FIG4: variants seen among roughly 807,000 people sequenced by gnomAD.
FIG4 encodes the protein polyphosphoinositide phosphatase.
A neutral mutation model predicts 118.6 loss-of-function variants in FIG4; 112 were observed. The ratio of observed to expected loss-of-function variants is 0.94; its 90% confidence interval spans 0.81 to 1.11. The LOEUF is 1.11. FIG4 is among the 50% of genes least tolerant of loss of function. The pLI is 0.00. For missense variants in FIG4, 969 were observed against 1,111.7 expected, an observed-to-expected ratio of 0.87 and a Z score of 1.83; for synonymous variants, 369 against 381.2, an observed-to-expected ratio of 0.97 and a Z score of 0.37.
intron 1 of FIG4, among the ~76,000 whole-genome samples, chr6:109,700,157 C>T (rs1056370150): frequency 6.6e-6 from 1 of 152,188 alleles, no homozygotes; most frequent in Non-Finnish European, 1.5e-5. Context: ...TATACCATAG[C>T]AATCAACTTA....
At chr6:109,726,756 A>G (rs1048553015) in intron 3 of FIG4, among the ~76,000 whole-genome samples, 5 of 151,934 alleles carry the variant, frequency 3.3e-5, no homozygotes, top group Non-Finnish European at 7.4e-5. Context: ...ATGTTTTTTC[A>G]TTTGTTTGTG....
chr6:109,709,592 G>A (rs1257820998), intron 1 of FIG4, among the ~76,000 whole-genome samples: 2 of 152,196 alleles, frequency 1.3e-5, no homozygotes, highest in African/African-American at 4.8e-5. Context: ...TCCTATCCAT[G>A]AACATGGAAT....
intron 15 of FIG4, among the ~76,000 whole-genome samples, chr6:109,768,962 C>G (rs779733075): frequency 6.6e-6 from 1 of 152,122 alleles, no homozygotes; most frequent in South Asian, 2.1e-4. Context: ...GAATCCTCAT[C>G]GGCTACTTCT....
intron 1 of FIG4, among the ~76,000 whole-genome samples, chr6:109,698,194 T>A (rs954219403): frequency 6.6e-5 from 10 of 151,980 alleles, no homozygotes; most frequent in East Asian, 1.9e-4. Flanking sequence ...GGCCTGTTTT[T>A]TTTTTTTATT....
chr6:109,730,201 A>AC, intron 4 of FIG4, among the ~76,000 whole-genome samples: 1 of 152,072 alleles, frequency 6.6e-6, no homozygotes. Flanking sequence ...GACACATGCC[A>AC]CCACGCCTGA....
At chr6:109,711,871 C>A (rs1234906687) in intron 1 of FIG4, among the ~76,000 whole-genome samples, 1 of 152,170 alleles carries the variant, frequency 6.6e-6, no homozygotes, top group Non-Finnish European at 1.5e-5. Flanking sequence ...CTGTGTACTT[C>A]AGGGTGTTTT....
chr6:109,697,889 ATT>A (rs59597626), intron 1 of FIG4, among the ~76,000 whole-genome samples: 11,184 of 146,276 alleles, frequency 0.076, 606 homozygotes, highest in East Asian at 0.18. Flanking sequence ...CCATTGATCA[ATT>A]TTTTTTTTTT....
chr6:109,700,377 A>G (rs1173236895), intron 1 of FIG4, among the ~76,000 whole-genome samples: 21 of 152,232 alleles, frequency 1.4e-4, no homozygotes, highest in Admixed American at 1.4e-3. Context: ...TAAAACACCC[A>G]ATAAAAAGGA....
chr6:109,731,096 C>A (rs1425271371), intron 4 of FIG4, among the ~76,000 whole-genome samples: 1 of 152,088 alleles, frequency 6.6e-6, no homozygotes, highest in Non-Finnish European at 1.5e-5. Context: ...CTGAACCTTA[C>A]CTAGTAATTT....
intron 22 of FIG4, among the ~76,000 whole-genome samples, chr6:109,816,658 C>G (rs1306452571): frequency 6.6e-6 from 1 of 152,150 alleles, no homozygotes; most frequent in African/African-American, 2.4e-5. Context: ...GCCAAGCCCT[C>G]TCTCATTAAA....
intron 10 of FIG4, among the ~76,000 whole-genome samples, chr6:109,750,738 T>G (rs1229322129): frequency 6.6e-6 from 1 of 152,164 alleles, no homozygotes; most frequent in Non-Finnish European, 1.5e-5. Flanking sequence ...AACAACCCAC[T>G]AACACTATTA....
intron 3 of FIG4, among the ~76,000 whole-genome samples, chr6:109,717,432 T>C (rs1199476807): frequency 6.6e-6 from 1 of 152,180 alleles, no homozygotes; most frequent in Non-Finnish European, 1.5e-5. Flanking sequence ...TCCCTCCTTG[T>C]GGTGAATCAA....
In FIG4 at chr6:109,727,225, C is replaced by G. The variant is rs1775848378; in HGVS notation, c.406C>G (p.Pro136Ala). ...CGAAGATACAAATATGATCTATATA[C>G]CCAATGATTCTGTACGGGTTACTCA... The part of the protein sequence containing the change: ...KVEDTNMIYI[P>A]NDSVRVTHPD... Residue 136 changes from proline (P) to alanine (A), a missense_variant, in exon 4 of 23, where the codon CCC becomes GCC. This residue lies in a region of FIG4 where 393 missense variants were observed against 409.4 expected (regional missense o/e 0.96). Coordinates refer to ENST00000230124, the MANE Select transcript of FIG4 (RefSeq NM_014845.6). 8.1e-6 allele frequency: 13 copies of G among 1,612,544 alleles called. No individual in the cohort carries two copies. Among genetic ancestry groups the G allele is most frequent in the Non-Finnish European group, 1.1e-5 (13 of 1,178,842 alleles).
At chr6:109,821,728 C>T (rs577024931) in intron 22 of FIG4, among the ~76,000 whole-genome samples, 4 of 152,204 alleles carry the variant, frequency 2.6e-5, no homozygotes, top group Non-Finnish European at 4.4e-5. Context: ...ATCGAAACAG[C>T]ATCTCACCAC....
chr6:109,735,437 G>A, intron 6 of FIG4, 139 bp downstream of exon 6: 1 of 773,148 alleles, frequency 1.3e-6, no homozygotes, highest in South Asian at 1.6e-5. Context: ...TTGGATATGT[G>A]AAGTTGATCA....
chr6:109,740,351 G>A (rs992301754), intron 7 of FIG4, among the ~76,000 whole-genome samples: 11 of 152,210 alleles, frequency 7.2e-5, no homozygotes, highest in Non-Finnish European at 1.2e-4. Flanking sequence ...GTTATCAAGC[G>A]TTTAATGAAT....
intron 6 of FIG4, among the ~76,000 whole-genome samples, chr6:109,738,054 C>A (rs1776212008): frequency 6.6e-6 from 1 of 152,098 alleles, no homozygotes. Context: ...TTGTCATTTT[C>A]TTTTCTCTCA....
At chr6:109,749,059 G>C (rs1306184818) in intron 10 of FIG4, among the ~76,000 whole-genome samples, 1 of 60,858 alleles carries the variant, frequency 1.6e-5, no homozygotes, top group Non-Finnish European at 4.0e-5. Context: ...GGAGCTCTGT[G>C]TGTGTGTGTG....
At chr6:109,756,123 G>A (rs1245323750) in intron 10 of FIG4, among the ~76,000 whole-genome samples, 2 of 152,096 alleles carry the variant, frequency 1.3e-5, no homozygotes, top group African/African-American at 2.4e-5. Context: ...CTCTTTTAGG[G>A]CAGGCCTGGT....
Sources: gnomAD v4.1 joint callset for allele counts (sites outside exome capture counted in the v4.1 genomes callset) on GRCh38, gnomAD v4.1.1 for gene constraint, gnomAD v4.1.1 regional missense constraint, MANE v1.5 for transcripts, NCBI Gene and HGNC (gene_info 2026-07-23, HGNC 2026-07-21) for gene names.